The following CEP63 variants were observed in gnomAD, a reference collection of about 807,000 sequenced individuals.
CEP63 encodes the protein centrosomal protein 63.
Under a neutral mutation model 89.1 loss-of-function variants are expected in CEP63, and 84 were observed. That is an observed-to-expected ratio of 0.94 (90% CI 0.79 to 1.13). The LOEUF is 1.13. CEP63 is among the 50% of genes most tolerant of loss of function. The pLI is 0.00. For synonymous variants in CEP63, 267 were observed against 272.5 expected, an observed-to-expected ratio of 0.98 and a Z score of 0.20; for missense variants, 838 against 813.3, an observed-to-expected ratio of 1.03 and a Z score of -0.37.
the CEP63 span, among the ~76,000 whole-genome samples, chr3:134,625,673 G>C: frequency 6.6e-6 from 1 of 152,230 alleles, no homozygotes; most frequent in African/African-American, 2.4e-5. Flanking sequence ...GGTCCTGCAG[G>C]GCGAGGTGCG....
chr3:134,674,210 C>A, the CEP63 span, among the ~76,000 whole-genome samples: 55 of 151,994 alleles, frequency 3.6e-4, no homozygotes, highest in Admixed American at 9.2e-4. Flanking sequence ...ATAGGCAAAC[C>A]AAATCTGGGA....
At position 134,526,420 on chromosome 3, in the gene CEP63, A is replaced by G. The variant is rs531604905; in HGVS notation, c.223-5425A>G. Reference sequence around the variant, plus strand: ...TTATTACTTGTGATTTCATTATGAAATTCTTGTAGTGTGCTTTTCAGCTCT... The same window carrying G: ...TTATTACTTGTGATTTCATTATGAAGTTCTTGTAGTGTGCTTTTCAGCTCT... On this transcript the variant is annotated intron_variant, in intron 3 of 14. Coordinates refer to ENST00000675561, the MANE Select transcript of CEP63 (RefSeq NM_001353108.3). Among the ~76,000 whole-genome samples, 73 of 152,114 alleles carry G rather than the reference A, an allele frequency of 4.8e-4. 1 individual carries two copies. Among genetic ancestry groups the G allele is most frequent in the African/African-American group, 1.6e-3 (66 of 41,478 alleles).
At position 134,571,760 on chromosome 3, in the gene CEP63, G is replaced by A. The variant is rs149429827; in HGVS notation, c.1330-3033G>A. Among the ~76,000 whole-genome samples, 690 of 152,264 alleles carry A rather than the reference G, an allele frequency of 4.5e-3. 3 individuals are homozygous for A. Among genetic ancestry groups the A allele is most frequent in the Admixed American group, 8.2e-3 (126 of 15,288 alleles). On this transcript the variant is annotated intron_variant, in intron 11 of 11. Coordinates refer to the CEP63 transcript ENST00000354446. ...AAATAAAATATCATCATTCAGTTAT[G>A]AAAACCTAAGAAAAAACAAATTTGT...
the CEP63 span, among the ~76,000 whole-genome samples, chr3:134,733,643 C>T: frequency 1.3e-5 from 2 of 152,092 alleles, no homozygotes; most frequent in African/African-American, 4.8e-5. Flanking sequence ...CGCCATGTGC[C>T]AGTGGAGGCA....
chr3:134,523,982 GTA>G (rs1221748381), intron 3 of CEP63, among the ~76,000 whole-genome samples: 3 of 152,198 alleles, frequency 2.0e-5, no homozygotes, highest in Admixed American at 6.5e-5. Context: ...GCTTTGGGCA[GTA>G]TAGCCATTTT....
chr3:134,746,068 A>ACCCCCC, the CEP63 span, among the ~76,000 whole-genome samples: 5 of 119,724 alleles, frequency 4.2e-5, no homozygotes, highest in Non-Finnish European at 5.2e-5. Context: ...CTCCTCCACC[A>ACCCCCC]CCCCCCCCAC....
chr3:134,651,289 C>A, the CEP63 span: 2 of 1,187,098 alleles, frequency 1.7e-6, no homozygotes, highest in Non-Finnish European at 2.1e-6. Flanking sequence ...CTGCCTCCCG[C>A]CCGGTGCACT....
rs771901844 is a variant in CEP63 at position 134,549,115 on chromosome 3, AAT to A, written c.1124_1125del (p.Tyr375Ter). 4 of 1,613,714 alleles carry A rather than the reference AAT, an allele frequency of 2.5e-6. No homozygotes were observed. The African/African-American group carries it at 5.3e-5, about 22-fold the overall frequency. On this transcript the variant is annotated frameshift_variant, in exon 10 of 15. Transcript: ENST00000675561. LOFTEE classifies it high-confidence loss of function. The stretch of plus-strand genomic sequence containing the variant: ...CAGCTGAGCCAAGAACTAATGGAAA[AAT>A]ATGAAGAACTGAAGAGGATGGAAGC...
At chr3:134,767,109 C>T in the CEP63 span, among the ~76,000 whole-genome samples, 1 of 152,162 alleles carries the variant, frequency 6.6e-6, no homozygotes, top group Non-Finnish European at 1.5e-5. Context: ...ATCTTGCTAC[C>T]TGGTACCCTC....
At chr3:134,759,724 A>G in the CEP63 span, among the ~76,000 whole-genome samples, 3 of 152,242 alleles carry the variant, frequency 2.0e-5, no homozygotes, top group Non-Finnish European at 4.4e-5. Context: ...TATGACCACA[A>G]TTGCTGCATG....
At chr3:134,717,557 G>A in the CEP63 span, among the ~76,000 whole-genome samples, 1 of 152,308 alleles carries the variant, frequency 6.6e-6, no homozygotes, top group African/African-American at 2.4e-5. Flanking sequence ...CCAGGAGAGT[G>A]TGTCTTTAAC....
the CEP63 span, among the ~76,000 whole-genome samples, chr3:134,746,701 T>C: frequency 6.6e-6 from 1 of 152,376 alleles, no homozygotes; most frequent in Admixed American, 6.5e-5. Context: ...TTTTCATGTG[T>C]CTGTTGGCTG....
chr3:134,603,615 G>A, the CEP63 span: 3 of 1,600,348 alleles, frequency 1.9e-6, no homozygotes, highest in Middle Eastern at 1.7e-4. Flanking sequence ...GGATGTAGGA[G>A]TAGAAATTGT....
the CEP63 span, among the ~76,000 whole-genome samples, chr3:134,645,928 T>C: frequency 2.0e-5 from 3 of 152,202 alleles, no homozygotes; most frequent in African/African-American, 7.2e-5. Context: ...ATAGAATGAA[T>C]TCAGTGTATT....
chr3:134,545,945 T>C (rs1365682643), intron 7 of CEP63, 126 bp downstream of exon 7: 1 of 831,142 alleles, frequency 1.2e-6, no homozygotes, highest in Non-Finnish European at 1.9e-6. Flanking sequence ...ATGGATCAGA[T>C]ATTGATAGTT....
chr3:134,673,742 A>G, the CEP63 span, among the ~76,000 whole-genome samples: 3 of 151,948 alleles, frequency 2.0e-5, no homozygotes, highest in Non-Finnish European at 2.9e-5. Context: ...CCAGCAGATG[A>G]CCTCATCTCC....
the CEP63 span, chr3:134,619,041 T>C: frequency 1.1e-6 from 1 of 885,704 alleles, no homozygotes; most frequent in African/African-American, 1.6e-5. Context: ...GAGCAGAGTT[T>C]GTAAACTCAG....
the CEP63 span, chr3:134,610,386 G>A: frequency 1.2e-6 from 2 of 1,609,722 alleles, no homozygotes; most frequent in Non-Finnish European, 1.7e-6. Flanking sequence ...CGGCGAGCCT[G>A]GGGGCAGGAC....
chr3:134,507,062 A>G, intron 2 of CEP63, 47 bp from the exon 3 acceptor site: 2 of 1,484,386 alleles, frequency 1.3e-6, no homozygotes, highest in South Asian at 1.1e-5. Flanking sequence ...ATGAAAAGCC[A>G]CTTGAACATA....
Sources: allele counts gnomAD v4.1 joint callset (sites outside exome capture counted in the v4.1 genomes callset), GRCh38; gene constraint gnomAD v4.1.1; transcripts MANE v1.5; gene names NCBI Gene and HGNC (gene_info 2026-07-23, HGNC 2026-07-21).